The following EPHA6 variants were observed in gnomAD, a reference collection of about 807,000 sequenced individuals.
The protein encoded by EPHA6 is ephrin type-A receptor 6.
Under a neutral mutation model 112.0 loss-of-function variants are expected in EPHA6, and 50 were observed. The observed-to-expected ratio is 0.45, with a 90% CI of 0.36 to 0.56. The LOEUF (loss-of-function observed/expected upper bound fraction) is 0.56. Among genes scored for constraint, EPHA6 ranks in the 20% least tolerant of loss-of-function variants. The pLI is 0.00. For missense variants in EPHA6, 1,280 were observed against 1,417.4 expected (o/e 0.90, Z 1.56); for synonymous variants, 529 against 490.7 (o/e 1.08, Z -1.03).
Position 97,760,393 on chromosome 3 carries a change from T to A in EPHA6, c.*11692T>A, listed in dbSNP as rs2036130487. On this transcript the variant is annotated 3_prime_UTR_variant, in exon 18 of 18. Coordinates refer to ENST00000389672, the MANE Select transcript of EPHA6 (RefSeq NM_001080448.3). ...TACCATATGTATATATACATATGTA[T>A]GTGTGTATGTGTGTATATATATCTC... is the stretch of plus-strand genomic sequence containing the variant. 6.1e-6 allele frequency: 1 copy of A among 162,694 alleles called. No individual in the cohort carries two copies. The allele number at this position is 162,694 out of a possible 1,614,324, so 10.1% of individuals were successfully genotyped here.
At chr3:96,829,949 G>GCACACACACACACACACACA (rs67227502) in intron 1 of EPHA6, among the ~76,000 whole-genome samples, 1 of 136,034 alleles carries the variant, frequency 7.4e-6, no homozygotes, top group Non-Finnish European at 1.6e-5. Flanking sequence ...GCGCGCGCGC[G>GCACACACACACACACACACA]CACACACACA....
chr3:97,568,557 C>T lies in EPHA6; in HGVS notation c.2387-24055C>T, dbSNP rs146395510. 2.1e-3 allele frequency among the ~76,000 whole-genome samples: 322 copies of T among 152,342 alleles called. 3 individuals are homozygous for T. The highest frequency in any genetic ancestry group is 7.3e-3 in the African/African-American group (304 of 41,576). On this transcript the variant is annotated intron_variant, in intron 11 of 17. Transcript: ENST00000389672. ...TCTACAGCTCTCAGAGAGCACCATG[C>T]TCTTCAGAGCAGCTCCTTATGCCTA...
intron 5 of EPHA6, among the ~76,000 whole-genome samples, chr3:97,388,957 G>A (rs1006374384): frequency 4.6e-5 from 7 of 152,212 alleles, no homozygotes; most frequent in Non-Finnish European, 8.8e-5. Context: ...AAAACAAAAC[G>A]TCCAGCAATC....
chr3:97,730,593 C>T (rs1353781534), intron 15 of EPHA6, among the ~76,000 whole-genome samples: 1 of 152,052 alleles, frequency 6.6e-6, no homozygotes, highest in Non-Finnish European at 1.5e-5. Flanking sequence ...GACAACAAAC[C>T]TCAATTAGTC....
intron 10 of EPHA6, among the ~76,000 whole-genome samples, chr3:97,489,696 A>AG (rs1317564193): frequency 1.3e-5 from 2 of 152,052 alleles, no homozygotes; most frequent in African/African-American, 4.8e-5. Flanking sequence ...AAAAAAAAAA[A>AG]AAAAAGAAAC....
chr3:97,006,776 G>T (rs1576307776), intron 3 of EPHA6, among the ~76,000 whole-genome samples: 2 of 152,030 alleles, frequency 1.3e-5, no homozygotes, highest in Admixed American at 6.6e-5. Flanking sequence ...CACTGCTTTA[G>T]CTGTGTCCCA....
intron 7 of EPHA6, among the ~76,000 whole-genome samples, chr3:97,469,310 A>G (rs1295734836): frequency 6.6e-6 from 1 of 151,620 alleles, no homozygotes; most frequent in Non-Finnish European, 1.5e-5. Flanking sequence ...CTCTTTGTAG[A>G]TGCCTCCCCA....
At chr3:97,668,344 G>T (rs78030597) in intron 14 of EPHA6, among the ~76,000 whole-genome samples, 1 of 152,018 alleles carries the variant, frequency 6.6e-6, no homozygotes, top group Admixed American at 6.5e-5. Flanking sequence ...CTGAAAAAGC[G>T]TCAAAGAAGC....
chr3:97,114,733 T>C (rs1327230952), intron 3 of EPHA6, among the ~76,000 whole-genome samples: 1 of 152,028 alleles, frequency 6.6e-6, no homozygotes, highest in Non-Finnish European at 1.5e-5. Context: ...ACTAATTCAC[T>C]CAACAACTAT....
At chr3:97,264,301 T>C (rs1327305135) in intron 5 of EPHA6, among the ~76,000 whole-genome samples, 1 of 152,104 alleles carries the variant, frequency 6.6e-6, no homozygotes, top group Non-Finnish European at 1.5e-5. Context: ...GCAAGAAGCG[T>C]GTGTGTGAGC....
chr3:97,481,532 C>CG (rs1167304724), intron 9 of EPHA6: 4 of 853,102 alleles, frequency 4.7e-6, no homozygotes, highest in Non-Finnish European at 5.9e-6. Context: ...AGTGCAGGCC[C>CG]GGGGGTCCCT....
chr3:97,489,303 T>C (rs2091775914), intron 10 of EPHA6, among the ~76,000 whole-genome samples: 1 of 152,256 alleles, frequency 6.6e-6, no homozygotes. Context: ...TTTTCAGAGT[T>C]AGTTGAAAAT....
rs139998566 is a variant in EPHA6 at position 96,949,170 on chromosome 3, A to G, written c.451-38160A>G. Among the ~76,000 whole-genome samples the G allele has an allele frequency of 5.2e-4, 79 of 152,338 alleles. 1 individual carries two copies. Among genetic ancestry groups the G allele is most frequent in the Admixed American group, 3.9e-3 (59 of 15,298 alleles). On this transcript the variant is annotated intron_variant, in intron 2 of 17. Transcript: ENST00000389672. ...AAATAAATGAGAATCTGGCCCAGTT[A>G]CTGATTGATAGACGGAGAAAAAATT...
chr3:97,016,493 T>G (rs2044270837), intron 3 of EPHA6, among the ~76,000 whole-genome samples: 1 of 152,206 alleles, frequency 6.6e-6, no homozygotes, highest in Non-Finnish European at 1.5e-5. Flanking sequence ...AATTATGTAT[T>G]TACTTTAAAA....
At position 97,427,606 on chromosome 3, in the gene EPHA6, G is replaced by A. The variant is rs550848321; in HGVS notation, c.1732-20962G>A. 3.3e-5 allele frequency among the ~76,000 whole-genome samples: 5 copies of A among 151,670 alleles called. No individual in the cohort carries two copies. The East Asian group carries it at 9.8e-4, about 30-fold the overall frequency. On this transcript the variant is annotated intron_variant, in intron 6 of 17. Transcript: ENST00000389672. Reference sequence around the variant, plus strand: ...AATGGGTACTAGGCTTAATACTTCAGTGATTAAATAATCTGTACAACAAAC... The same window carrying A: ...AATGGGTACTAGGCTTAATACTTCAATGATTAAATAATCTGTACAACAAAC...
At chr3:97,188,694 A>C (rs1377108306) in intron 3 of EPHA6, among the ~76,000 whole-genome samples, 2 of 151,990 alleles carry the variant, frequency 1.3e-5, no homozygotes, top group Non-Finnish European at 2.9e-5. Context: ...TTGTACTATA[A>C]ATTTAATCTA....
At chr3:97,440,310 A>G (rs867434910) in intron 6 of EPHA6, among the ~76,000 whole-genome samples, 1 of 152,126 alleles carries the variant, frequency 6.6e-6, no homozygotes, top group Non-Finnish European at 1.5e-5. Context: ...TGAGAAATAT[A>G]TAGTCATATT....
intron 7 of EPHA6, among the ~76,000 whole-genome samples, chr3:97,454,358 A>G (rs1313876663): frequency 6.6e-6 from 1 of 151,884 alleles, no homozygotes; most frequent in Admixed American, 6.6e-5. Context: ...CATGTAATCA[A>G]ATAAATAAAG....
At chr3:97,160,910 A>T (rs1576593933) in intron 3 of EPHA6, among the ~76,000 whole-genome samples, 1 of 152,230 alleles carries the variant, frequency 6.6e-6, no homozygotes, top group South Asian at 2.1e-4. Flanking sequence ...TAAATCAGGT[A>T]CCAGGCTTTT....
Sources: gnomAD v4.1 joint callset for allele counts (sites outside exome capture counted in the v4.1 genomes callset) on GRCh38, gnomAD v4.1.1 for gene constraint, MANE v1.5 for transcripts, NCBI Gene and HGNC (gene_info 2026-07-23, HGNC 2026-07-21) for gene names.